The following KIF27 variants were observed in gnomAD, a reference collection of about 807,000 sequenced individuals.
KIF27 encodes kinesin family member 27.
A neutral mutation model predicts 141.8 loss-of-function variants in KIF27; 84 were observed. The ratio of observed to expected loss-of-function variants is 0.59; its 90% confidence interval spans 0.50 to 0.71. KIF27 has a LOEUF of 0.71. Ranked by LOEUF, KIF27 falls within the 30% of genes least tolerant of loss-of-function variation. The pLI, the probability that KIF27 is intolerant of heterozygous loss-of-function variation, is 0.00. For synonymous variants in KIF27, 471 were observed against 569.5 expected (o/e 0.83, Z 2.46); for missense variants, 1,306 against 1,628.4 (o/e 0.80, Z 3.41).
At chr9:83,844,890 G>A (rs57770451) in intron 16 of KIF27, among the ~76,000 whole-genome samples, 113 of 152,270 alleles carry the variant, frequency 7.4e-4, no homozygotes, top group African/African-American at 2.5e-3. Flanking sequence ...AATGCCTAGT[G>A]GGCCTATCTG....
In KIF27 at chr9:83,834,901, A is replaced by ATATCTATATACAAGTATATATATAATAC; in HGVS notation, c.*2072_*2099dup. Among the ~76,000 whole-genome samples the ATATCTATATACAAGTATATATATAATAC allele has an allele frequency of 6.8e-6, 1 of 148,128 alleles. No individual in the cohort carries two copies. The highest frequency in any genetic ancestry group is 1.5e-5 in the Non-Finnish European group (1 of 67,338). ...TGAAATAATGTAAAATGTATAACCT[A>ATATCTATATACAAGTATATATATAATAC]TATCTATATACAAGTATATATATAA... On this transcript the variant is annotated 3_prime_UTR_variant, in exon 18 of 18. Transcript: ENST00000297814.
intron 11 of KIF27, among the ~76,000 whole-genome samples, chr9:83,875,520 T>C (rs1378405109): frequency 5.3e-5 from 8 of 152,136 alleles, no homozygotes; most frequent in Non-Finnish European, 2.9e-5. Flanking sequence ...AGTTTAATTG[T>C]AGCCATGGAA....
rs770993949 is a variant in KIF27, at chr9:83,903,385, C to T, written c.1133G>A (p.Ser378Asn). Residue 378 changes from serine (S) to asparagine (N), a missense_variant, in exon 4 of 18, where the codon AGC (serine) becomes AAC (asparagine). By Grantham distance (46) the Ser-to-Asn change is conservative. Coordinates refer to ENST00000297814, the MANE Select transcript of KIF27 (RefSeq NM_017576.4). ...TTCTCGATTGATCTGGGTAGTTTGG[C>T]TGACACCAGCCTGCTGGCTTTGCAA... ...EALQSQQAGV[S>N]QTTQINREGS... is the part of the protein sequence containing the mutation. 1 of 1,614,032 alleles carries T rather than the reference C, an allele frequency of 6.2e-7. No homozygotes were observed. Among genetic ancestry groups the T allele is most frequent in the Admixed American group, 1.7e-5 (1 of 60,022 alleles).
chr9:83,880,529 T>C, intron 10 of KIF27, 35 bp from the exon 11 acceptor site: 1 of 1,481,492 alleles, frequency 6.7e-7, no homozygotes, highest in Non-Finnish European at 9.3e-7. Context: ...AATGAAAAAC[T>C]GAATCTCTCA....
In KIF27 at chr9:83,888,220, T is replaced by C. The variant is rs537517084; in HGVS notation, c.2083+269A>G. On this transcript the variant is annotated intron_variant, in intron 8 of 17. Coordinates refer to ENST00000297814, the MANE Select transcript of KIF27 (RefSeq NM_017576.4). ...TCATCAGGAATACAAAGCATATCAA[T>C]TCAGGTCTGAATATAAAAATCCTTA... Among the ~76,000 whole-genome samples the C allele has an allele frequency of 9.2e-4, 138 of 149,862 alleles. 1 individual carries two copies. Among genetic ancestry groups the C allele is most frequent in the Non-Finnish European group, 1.6e-3 (109 of 67,596 alleles).
intron 5 of KIF27, among the ~76,000 whole-genome samples, chr9:83,892,059 T>C (rs1011641011): frequency 1.3e-5 from 2 of 152,110 alleles, no homozygotes; most frequent in African/African-American, 4.8e-5. Context: ...ATCAGGAATG[T>C]GTGTGTGTGT....
intron 1 of KIF27, among the ~76,000 whole-genome samples, chr9:83,918,613 C>T (rs1955938254): frequency 6.6e-6 from 1 of 152,116 alleles, no homozygotes; most frequent in Admixed American, 6.6e-5. Context: ...AAGATGCTCA[C>T]CATCATTAGC....
intron 13 of KIF27, among the ~76,000 whole-genome samples, chr9:83,860,521 G>A (rs1949774016): frequency 1.3e-5 from 2 of 152,052 alleles, no homozygotes; most frequent in South Asian, 4.1e-4. Context: ...TTATAACTTT[G>A]TTATTCATAG....
chr9:83,895,228 C>T (rs1298463815), intron 5 of KIF27, among the ~76,000 whole-genome samples: 3 of 149,436 alleles, frequency 2.0e-5, no homozygotes, highest in Admixed American at 1.3e-4. Context: ...CACCACTGCA[C>T]TCCAGCCTGG....
intron 10 of KIF27, among the ~76,000 whole-genome samples, chr9:83,882,527 A>G (rs1004267912): frequency 4.6e-5 from 7 of 152,230 alleles, no homozygotes; most frequent in African/African-American, 1.7e-4. Flanking sequence ...ACCATTTGGT[A>G]TGTATAGGCC....
At chr9:83,857,046 G>A (rs1043429279) in intron 14 of KIF27, among the ~76,000 whole-genome samples, 8 of 149,746 alleles carry the variant, frequency 5.3e-5, no homozygotes, top group African/African-American at 1.5e-4. Flanking sequence ...CTAAAGTTCA[G>A]GTATTCTTTA....
At chr9:83,901,432 T>C (rs541746042) in intron 4 of KIF27, among the ~76,000 whole-genome samples, 1 of 152,356 alleles carries the variant, frequency 6.6e-6, no homozygotes, top group African/African-American at 2.4e-5. Context: ...TATACAATTA[T>C]GAGGCTGAAT....
chr9:83,909,126 G>A (rs1954877978), intron 2 of KIF27, among the ~76,000 whole-genome samples: 1 of 152,226 alleles, frequency 6.6e-6, no homozygotes, highest in Admixed American at 6.5e-5. Context: ...TTCTGCTAAA[G>A]ACAGACAATA....
chr9:83,918,051 G>A (rs981567883), intron 1 of KIF27, among the ~76,000 whole-genome samples: 1 of 152,016 alleles, frequency 6.6e-6, no homozygotes, highest in African/African-American at 2.4e-5. Context: ...ATGAAGTATA[G>A]ATTAAAAAAT....
chr9:83,859,082 T>G, intron 14 of KIF27, 74 bp downstream of exon 14: 4 of 1,029,102 alleles, frequency 3.9e-6, no homozygotes, highest in Non-Finnish European at 6.1e-6. Flanking sequence ...TTTATGATTA[T>G]GTGAAAAAGA....
At chr9:83,858,346 C>T (rs1949498005) in intron 14 of KIF27, 1 of 152,206 alleles carries the variant, frequency 6.6e-6, no homozygotes, top group Admixed American at 6.5e-5. Flanking sequence ...CAAACTAAAA[C>T]ATTACAAGAT....
At position 83,834,857 on chromosome 9, in the gene KIF27, GAT is replaced by G. The variant is rs1267050825; in HGVS notation, c.*2142_*2143del. On this transcript the variant is annotated 3_prime_UTR_variant, in exon 18 of 18. Transcript: ENST00000297814. Reference sequence around the variant, plus strand: ...AATGATATATCATGATATAAAATATGATATGAAATAATATAAAGTGAAATAAT... The same window carrying G: ...AATGATATATCATGATATAAAATATGATGAAATAATATAAAGTGAAATAAT... Among the ~76,000 whole-genome samples, 1 of 146,878 alleles carries G rather than the reference GAT, an allele frequency of 6.8e-6. No individual in the cohort carries two copies. Among genetic ancestry groups the G allele is most frequent in the Middle Eastern group, 3.3e-3 (1 of 304 alleles).
In KIF27 at chr9:83,834,413, C is replaced by CAT. The variant is rs763497236; in HGVS notation, c.*2586_*2587dup. Reference sequence around the variant, plus strand: ...TGTTTGCATATGTGGCATGAAATGTCATATATATAAAGGATATATGTTTAA... The same window carrying CAT: ...TGTTTGCATATGTGGCATGAAATGTCATATATATATAAAGGATATATGTTTAA... On this transcript the variant is annotated 3_prime_UTR_variant, in exon 18 of 18. Transcript: ENST00000297814. Among the ~76,000 whole-genome samples the CAT allele has an allele frequency of 3.3e-5, 5 of 151,880 alleles. No individual in the cohort carries two copies. Among genetic ancestry groups the CAT allele is most frequent in the African/African-American group, 4.8e-5 (2 of 41,374 alleles).
Position 83,888,357 on chromosome 9 carries a change from A to G in KIF27, c.2083+132T>C, listed in dbSNP as rs1189120905. The stretch of plus-strand genomic sequence containing the variant: ...AAACAGAGAACATAAAAGAAGTTCT[A>G]CCAACTAGGAAAGCATTTGTACCAA... On this transcript the variant is annotated intron_variant, in intron 8 of 17. Coordinates refer to ENST00000297814, the MANE Select transcript of KIF27 (RefSeq NM_017576.4). The G allele has an allele frequency of 6.9e-6, 3 of 432,972 alleles. No individual in the cohort carries two copies. The East Asian group carries it at 1.1e-4, about 15-fold the overall frequency. 26.8% of individuals were successfully genotyped at this position (432,972 alleles called of 1,614,324 possible). A position where few individuals can be genotyped will look rare whatever the true frequency, so the allele number is the denominator to read the frequency against.
Sources: gnomAD v4.1 joint callset for allele counts (sites outside exome capture counted in the v4.1 genomes callset) on GRCh38, gnomAD v4.1.1 for gene constraint, MANE v1.5 for transcripts, NCBI Gene and HGNC (gene_info 2026-07-23, HGNC 2026-07-21) for gene names.